The following CLPB variants were observed in gnomAD, a reference collection of about 807,000 sequenced individuals.
CLPB encodes the protein mitochondrial disaggregase.
In CLPB, 40 loss-of-function variants were observed where a neutral mutation model predicts 78.4. That is an observed-to-expected ratio of 0.51 (90% CI 0.40 to 0.66). The LOEUF is 0.66. CLPB is among the 30% of genes least tolerant of loss of function. CLPB has a pLI of 0.00. For synonymous variants in CLPB, 333 were observed against 348.0 expected (o/e 0.96, Z 0.48); for missense variants, 780 against 886.9 (o/e 0.88, Z 1.53).
At chr11:72,388,312 G>A (rs1233896117) in intron 3 of CLPB, among the ~76,000 whole-genome samples, 1 of 148,952 alleles carries the variant, frequency 6.7e-6, no homozygotes, top group Non-Finnish European at 1.5e-5. Context: ...GTGCACTGGC[G>A]CAATCTCGGC....
At chr11:72,390,144 G>C (rs1174323511) in intron 3 of CLPB, among the ~76,000 whole-genome samples, 1 of 152,070 alleles carries the variant, frequency 6.6e-6, no homozygotes, top group Non-Finnish European at 1.5e-5. Context: ...GCTAGGATCA[G>C]AAGGCCCAAC....
chr11:72,430,450 G>A (rs1463971244), intron 1 of CLPB, 87 bp from the exon 2 acceptor site: 1 of 1,168,512 alleles, frequency 8.6e-7, no homozygotes, highest in African/African-American at 1.5e-5. Context: ...GACAGTGGCA[G>A]TACTTTAGAA....
chr11:72,397,740 T>A (rs1299361278), intron 3 of CLPB, among the ~76,000 whole-genome samples: 1 of 152,316 alleles, frequency 6.6e-6, no homozygotes, highest in South Asian at 2.1e-4. Flanking sequence ...ATGTTCTGGG[T>A]ACTACTGCTT....
chr11:72,401,752 A>G (rs1855569203), intron 3 of CLPB, among the ~76,000 whole-genome samples: 2 of 152,238 alleles, frequency 1.3e-5, no homozygotes, highest in Non-Finnish European at 2.9e-5. Flanking sequence ...AATGGCTGTT[A>G]CTAAAGTGCC....
Position 72,295,484 on chromosome 11 carries a change from C to G in CLPB, c.1486+8G>C. The G allele has an allele frequency of 1.2e-6, 2 of 1,613,312 alleles. No homozygotes were observed. Among genetic ancestry groups the G allele is most frequent in the Non-Finnish European group, 1.7e-6 (2 of 1,179,406 alleles). ...ACTGGACCAGACTGCTCAGGTCAGC[C>G]GCCATACCCAGGTTTTCGGCAATAC... On this transcript the variant is annotated splice_region_variant and intron_variant, in intron 12 of 15. Transcript: ENST00000538039.
chr11:72,407,382 T>C (rs1054032738), intron 2 of CLPB, among the ~76,000 whole-genome samples: 2 of 152,238 alleles, frequency 1.3e-5, no homozygotes, highest in African/African-American at 4.8e-5. Context: ...AAAGGGCTAT[T>C]ATATTATTGT....
At position 72,380,317 on chromosome 11, in the gene CLPB, T is replaced by G. The variant is rs538184539; in HGVS notation, c.610A>C (p.Lys204Gln). The G allele has an allele frequency of 2.5e-6, 4 of 1,614,058 alleles. No individual in the cohort carries two copies. Among genetic ancestry groups the G allele is most frequent in the Non-Finnish European group, 3.4e-6 (4 of 1,180,018 alleles). ...NLGDDFSSVY[K>Q]TAKEQGIHSL... Reference sequence around the variant, plus strand: ...TGGATTCCCTGTTCCTTGGCAGTCTTGTAAACACTGCTGAAATCATCTCCA... The same window carrying G: ...TGGATTCCCTGTTCCTTGGCAGTCTGGTAAACACTGCTGAAATCATCTCCA... The change falls in exon 4 of 16, where the codon AAG becomes CAG. Residue 204 changes from lysine (K) to glutamine (Q), a missense_variant. Physicochemically the swap from Lys to Gln is moderately conservative, Grantham distance 53. Around this residue, in one of 3 missense-constraint regions of CLPB, gnomAD observed 417 missense variants for 414.7 expected, o/e 1.01. Coordinates refer to ENST00000538039, the MANE Select transcript of CLPB (RefSeq NM_001258392.3).
At chr11:72,295,818 C>A (rs1949541740) in intron 11 of CLPB, among the ~76,000 whole-genome samples, 170 bp from the exon 12 acceptor site, 1 of 152,240 alleles carries the variant, frequency 6.6e-6, no homozygotes, top group Admixed American at 6.5e-5. Context: ...TAGACTTGCA[C>A]CTTGGCTGCT....
At chr11:72,360,389 T>A (rs1950813117) in intron 4 of CLPB, among the ~76,000 whole-genome samples, 1 of 152,124 alleles carries the variant, frequency 6.6e-6, no homozygotes, top group Non-Finnish European at 1.5e-5. Flanking sequence ...ATACTAAATG[T>A]CCTATATAAA....
At chr11:72,298,460 C>T (rs1015068190) in intron 11 of CLPB, among the ~76,000 whole-genome samples, 6 of 152,154 alleles carry the variant, frequency 3.9e-5, no homozygotes, top group East Asian at 1.9e-4. Context: ...CCCCACACAG[C>T]GCCTCATGAA....
At chr11:72,373,038 T>C (rs1951073832) in intron 4 of CLPB, 9 of 1,605,830 alleles carry the variant, frequency 5.6e-6, no homozygotes, top group Non-Finnish European at 7.7e-6. Context: ...GATGGGGAGG[T>C]CAGCTGGAGC....
chr11:72,413,693 T>G (rs1344735135), intron 2 of CLPB, among the ~76,000 whole-genome samples: 1 of 152,250 alleles, frequency 6.6e-6, no homozygotes, highest in East Asian at 1.9e-4. Flanking sequence ...CTGCATATGT[T>G]TCAATTTCAT....
intron 5 of CLPB, chr11:72,352,890 G>A (rs1000758822): frequency 1.3e-5 from 2 of 152,276 alleles, no homozygotes; most frequent in Non-Finnish European, 2.9e-5. Flanking sequence ...GAGGAGGAGA[G>A]AGGATATGCC....
intron 5 of CLPB, among the ~76,000 whole-genome samples, chr11:72,337,666 A>G (rs1009859320): frequency 6.6e-6 from 1 of 152,194 alleles, no homozygotes; most frequent in African/African-American, 2.4e-5. Context: ...GATATTTTAC[A>G]TAATAAAAAG....
intron 2 of CLPB, among the ~76,000 whole-genome samples, chr11:72,426,977 G>A (rs561035161): frequency 6.6e-6 from 1 of 152,204 alleles, no homozygotes; most frequent in Non-Finnish European, 1.5e-5. Flanking sequence ...GGATCAGAGT[G>A]GGGGGAAGAG....
chr11:72,294,774 G>A lies in CLPB; in HGVS notation c.1487-81C>T, dbSNP rs544959137. ...TGTGCCTGCCCCTTGGCCTGCCCATGGAAAGAGCCCTGGTCCTGTCCATCT... is the reference window on the plus strand; with the variant it reads ...TGTGCCTGCCCCTTGGCCTGCCCATAGAAAGAGCCCTGGTCCTGTCCATCT... On this transcript the variant is annotated intron_variant, in intron 12 of 15. Transcript: ENST00000538039. The A allele has an allele frequency of 5.7e-4, 656 of 1,152,926 alleles. 1 individual carries two copies. The highest frequency in any genetic ancestry group is 1.3e-3 in the Admixed American group (77 of 59,240). The allele number at this position is 1,152,926 out of a possible 1,614,324, so 71.4% of individuals were successfully genotyped here.
At chr11:72,342,245 T>C (rs1384480880) in intron 5 of CLPB, among the ~76,000 whole-genome samples, 4 of 151,850 alleles carry the variant, frequency 2.6e-5, no homozygotes, top group Admixed American at 6.6e-5. Flanking sequence ...CTACGGAAAA[T>C]AGGTAGATCA....
At chr11:72,429,405 T>C (rs954622151) in intron 2 of CLPB, among the ~76,000 whole-genome samples, 4 of 152,088 alleles carry the variant, frequency 2.6e-5, no homozygotes, top group African/African-American at 9.7e-5. Flanking sequence ...TTTTCAACAC[T>C]TTCTTGTATG....
chr11:72,429,279 T>A (rs2135164527), intron 2 of CLPB, among the ~76,000 whole-genome samples: 1 of 152,340 alleles, frequency 6.6e-6, no homozygotes, highest in East Asian at 1.9e-4. Flanking sequence ...CAAAAGTGGT[T>A]TATTAAAAAC....
Sources: allele counts gnomAD v4.1 joint callset (sites outside exome capture counted in the v4.1 genomes callset), GRCh38; gene constraint gnomAD v4.1.1; regional missense constraint gnomAD v4.1.1; transcripts MANE v1.5; gene names NCBI Gene and HGNC (gene_info 2026-07-23, HGNC 2026-07-21).